The following TPRG1 variants were observed in gnomAD, a reference collection of about 807,000 sequenced individuals.
TPRG1 encodes tumor protein p63 regulated 1, also known as tumor protein p63-regulated gene 1 protein.
Under a neutral mutation model 29.3 loss-of-function variants are expected in TPRG1, and 29 were observed. The observed-to-expected ratio is 0.99, with a 90% CI of 0.74 to 1.35. The LOEUF (loss-of-function observed/expected upper bound fraction) is 1.35. Among genes scored for constraint, TPRG1 ranks in the 40% most tolerant of loss-of-function variants. TPRG1 has a pLI of 0.00. For synonymous variants in TPRG1, 130 were observed against 116.8 expected (o/e 1.11, Z -0.73); for missense variants, 327 against 335.0 (o/e 0.98, Z 0.19).
rs545308715 is a variant in TPRG1, at chr3:189,087,574, A to C, written c.-462-39483A>C. ...GCTTTTGGTGTTTTAGACATTAAGT[A>C]CTTGCCCATGCCTATGTCCTGAATG... On this transcript the variant is annotated intron_variant, in intron 4 of 10. Coordinates refer to the TPRG1 transcript ENST00000433971. Among the ~76,000 whole-genome samples, 12 of 152,248 alleles carry C rather than the reference A, an allele frequency of 7.9e-5. No individual in the cohort carries two copies. In the South Asian group the frequency reaches 8.3e-4, roughly 11 times the overall value.
At chr3:189,131,022 A>G (rs1260455254) in intron 2 of TPRG1, among the ~76,000 whole-genome samples, 1 of 152,188 alleles carries the variant, frequency 6.6e-6, no homozygotes, top group Non-Finnish European at 1.5e-5. Flanking sequence ...AAAATACCTA[A>G]AATTCTGCAC....
intron 5 of TPRG1, among the ~76,000 whole-genome samples, chr3:189,165,213 A>T (rs2108642879): frequency 6.6e-6 from 1 of 152,142 alleles, no homozygotes. Flanking sequence ...ATCGTGGGTC[A>T]TTCATGTACA....
chr3:189,224,885 C>A (rs2108878577), intron 3 of TPRG1, among the ~76,000 whole-genome samples: 1 of 151,932 alleles, frequency 6.6e-6, no homozygotes, highest in Non-Finnish European at 1.5e-5. Context: ...TGGGAACCAG[C>A]TCTTACCCCT....
At chr3:189,162,930 T>C (rs1727671928) in intron 5 of TPRG1, among the ~76,000 whole-genome samples, 1 of 152,234 alleles carries the variant, frequency 6.6e-6, no homozygotes, top group African/African-American at 2.4e-5. Flanking sequence ...ACTATATAAG[T>C]ATTTGTTAAA....
chr3:189,213,182 A>G (rs1447984002), intron 2 of TPRG1, among the ~76,000 whole-genome samples: 1 of 104,420 alleles, frequency 9.6e-6, no homozygotes, highest in African/African-American at 6.0e-5. Context: ...AGTATTTACC[A>G]TTTTATATGT....
intron 1 of TPRG1, among the ~76,000 whole-genome samples, chr3:189,104,616 C>T (rs1444093885): frequency 6.6e-6 from 1 of 151,748 alleles, no homozygotes; most frequent in Non-Finnish European, 1.5e-5. Context: ...TTTACTTGTT[C>T]AGAAGACGAA....
chr3:189,187,229 C>G (rs924880767), intron 1 of TPRG1, among the ~76,000 whole-genome samples: 1 of 152,006 alleles, frequency 6.6e-6, no homozygotes, highest in African/African-American at 2.4e-5. Context: ...CTCCAGCGAG[C>G]CTCCTATCTC....
intron 4 of TPRG1, among the ~76,000 whole-genome samples, chr3:189,291,370 A>G (rs1179344626): frequency 1.3e-5 from 2 of 152,194 alleles, no homozygotes; most frequent in Admixed American, 6.5e-5. Context: ...GTATATTTTA[A>G]TGGAGTCTCT....
chr3:189,185,307 T>C (rs1161759497), intron 1 of TPRG1, among the ~76,000 whole-genome samples: 1 of 152,088 alleles, frequency 6.6e-6, no homozygotes, highest in Non-Finnish European at 1.5e-5. Context: ...CACTGCAGCC[T>C]TAACCTCCCA....
intron 5 of TPRG1, among the ~76,000 whole-genome samples, chr3:189,154,445 ATT>A (rs11306539): frequency 7.1e-4 from 104 of 145,596 alleles, no homozygotes; most frequent in African/African-American, 1.3e-3. Flanking sequence ...TGCAGTGTAC[ATT>A]TTTTTTTTTT....
Position 189,215,359 on chromosome 3 carries a change from T to C in TPRG1, c.278T>C (p.Ile93Thr), listed in dbSNP as rs1269907817. 6.2e-7 allele frequency: 1 copy of C among 1,612,206 alleles called. No individual in the cohort carries two copies. Among genetic ancestry groups the C allele is most frequent in the East Asian group, 2.2e-5 (1 of 44,764 alleles). ...GHVAETSGET[I>T]QGFWLLTKID... is the part of the protein sequence containing the mutation. ...GTAGCTGAGACTTCTGGAGAGACCA[T>C]TCAAGGCTTCTGGCTCTTGACAAAG... Residue 93 changes from isoleucine to threonine, a missense_variant, in exon 3 of 6, where the codon ATT (isoleucine) becomes ACT (threonine). Physicochemically the swap from Ile to Thr is moderately conservative, Grantham distance 89. Transcript: ENST00000345063.
At chr3:189,261,374 G>A (rs539231474) in intron 4 of TPRG1, among the ~76,000 whole-genome samples, 29 of 151,130 alleles carry the variant, frequency 1.9e-4, no homozygotes, top group African/African-American at 6.3e-4. Flanking sequence ...CTCTAATCAC[G>A]TCTTTTTCTT....
intron 4 of TPRG1, among the ~76,000 whole-genome samples, chr3:189,285,403 T>C (rs1308288550): frequency 1.3e-5 from 2 of 152,154 alleles, no homozygotes; most frequent in Non-Finnish European, 2.9e-5. Context: ...GTTTTAGAGA[T>C]GGAAGGGCCC....
In TPRG1 at chr3:189,067,900, A is replaced by T. The variant is rs532196854; in HGVS notation, c.-463+43954A>T. Among the ~76,000 whole-genome samples, 13 of 152,316 alleles carry T rather than the reference A, an allele frequency of 8.5e-5. No homozygotes were observed. The East Asian group carries it at 2.5e-3, about 29-fold the overall frequency. On this transcript the variant is annotated intron_variant, in intron 4 of 10. Transcript: ENST00000433971. ...AAAGACAACCCACGGAACAGGAGAA[A>T]ATATTTGCAATCTATCTGGCTGACA... is the stretch of plus-strand genomic sequence containing the variant.
At chr3:189,187,276 C>A (rs1021705492) in intron 1 of TPRG1, among the ~76,000 whole-genome samples, 2 of 151,496 alleles carry the variant, frequency 1.3e-5, no homozygotes, top group African/African-American at 4.9e-5. Flanking sequence ...GCATGAGCCA[C>A]CCCGGCCAAG....
intron 1 of TPRG1, among the ~76,000 whole-genome samples, chr3:189,107,630 T>C (rs1462342410): frequency 1.3e-5 from 2 of 152,172 alleles, no homozygotes; most frequent in Non-Finnish European, 2.9e-5. Flanking sequence ...TAGTGTCTGT[T>C]GTTCATTCAC....
intron 3 of TPRG1, among the ~76,000 whole-genome samples, chr3:189,138,654 G>C (rs1372612368): frequency 1.3e-5 from 2 of 152,322 alleles, no homozygotes; most frequent in South Asian, 2.1e-4. Flanking sequence ...CTGTCCATAT[G>C]TATGCCTTTG....
chr3:189,048,565 T>C (rs528417737), intron 4 of TPRG1, among the ~76,000 whole-genome samples: 5 of 152,300 alleles, frequency 3.3e-5, no homozygotes, highest in African/African-American at 1.2e-4. Context: ...AAAGTCCTAG[T>C]TGGCATCTTT....
chr3:189,228,404 G>A (rs1259535299), intron 3 of TPRG1, among the ~76,000 whole-genome samples: 3 of 151,780 alleles, frequency 2.0e-5, no homozygotes, highest in Admixed American at 6.6e-5. Flanking sequence ...AAAAAAATTG[G>A]TGTAAAAAGA....
Sources: allele counts gnomAD v4.1 joint callset (sites outside exome capture counted in the v4.1 genomes callset), GRCh38; gene constraint gnomAD v4.1.1; transcripts MANE v1.5; gene names NCBI Gene and HGNC (gene_info 2026-07-23, HGNC 2026-07-21).